MTOR: variants seen among roughly 807,000 people sequenced by gnomAD.
The protein encoded by MTOR is serine/threonine-protein kinase mTOR.
MTOR carries 70 observed loss-of-function variants against 319.8 expected under a neutral mutation model. That is an observed-to-expected ratio of 0.22 (90% CI 0.18 to 0.27). The LOEUF is 0.27. Ranked by LOEUF, MTOR falls within the 10% of genes least tolerant of loss-of-function variation. The probability of loss-of-function intolerance (pLI) is 1.00; values close to 1 mark genes in which losing one functional copy is unlikely to be tolerated. For missense variants in MTOR, 1,890 were observed against 3,274.4 expected (o/e 0.58, Z 10.32); for synonymous variants, 1,183 against 1,211.4 (o/e 0.98, Z 0.49).
chr1:11,221,394 A>G (rs939437330), intron 19 of MTOR, among the ~76,000 whole-genome samples: 1 of 152,198 alleles, frequency 6.6e-6, no homozygotes, highest in Admixed American at 6.5e-5. Flanking sequence ...TCACTCAAGA[A>G]GAATATCAAC....
At chr1:11,119,374 G>A (rs1642373334) in intron 49 of MTOR, among the ~76,000 whole-genome samples, 1 of 151,652 alleles carries the variant, frequency 6.6e-6, no homozygotes, top group Non-Finnish European at 1.5e-5. Flanking sequence ...AGACCATCCT[G>A]GCTAACATGG....
Position 11,109,199 on chromosome 1 carries a change from A to G in MTOR, c.7528+91T>C. ...CTGCATGGTGCCAAAGCTCGTCACT[A>G]ACACCACTGGACATGGGGCTGACCA... On this transcript the variant is annotated intron_variant, in intron 56 of 57. Transcript: ENST00000361445. This position sits in a 1 kb window ranked among gnomAD's most constrained non-coding sequence, Gnocchi z 4.0. 8.7e-7 allele frequency: 1 copy of G among 1,153,470 alleles called. No homozygotes were observed. Among genetic ancestry groups the G allele is most frequent in the Non-Finnish European group, 1.3e-6 (1 of 790,970 alleles). The allele number at this position is 1,153,470 out of a possible 1,614,324, so 71.5% of individuals were successfully genotyped here.
rs1225827692 is a variant in MTOR, at chr1:11,237,884, G to A, written c.2167C>T (p.Pro723Ser). The change falls in exon 13 of 58, where the codon CCT becomes TCT. Residue 723 changes from proline (P) to serine (S), a missense_variant. Physicochemically the swap from Pro to Ser is moderately conservative, Grantham distance 74. Transcript: ENST00000361445. ...CTVGRLSSMN[P>S]AFVMPFLRKM... ...CGCAGGAAAGGCATGACAAAGGCAGGGTTCATGCTACTGAGTCGGCCCACA... is the reference window on the plus strand; with the variant it reads ...CGCAGGAAAGGCATGACAAAGGCAGAGTTCATGCTACTGAGTCGGCCCACA... 6.2e-7 allele frequency: 1 copy of A among 1,614,112 alleles called. No individual in the cohort carries two copies. Among genetic ancestry groups the A allele is most frequent in the Non-Finnish European group, 8.5e-7 (1 of 1,180,044 alleles).
At chr1:11,124,843 CA>C (rs1416571943) in intron 46 of MTOR, among the ~76,000 whole-genome samples, 2 of 152,204 alleles carry the variant, frequency 1.3e-5, no homozygotes, top group Admixed American at 1.3e-4. Flanking sequence ...CAAATTAAAA[CA>C]AAACAAAATC....
rs756170895 is a variant in MTOR, at chr1:11,199,533, A to G, written c.4107+8T>C. 1 of 1,614,148 alleles carries G rather than the reference A, an allele frequency of 6.2e-7. No homozygotes were observed. The highest frequency in any genetic ancestry group is 8.5e-7 in the Non-Finnish European group (1 of 1,180,008). ...AGCCTCCATCTGGACAATGGGGAAA[A>G]GTCTCACCTTGTCACTGTGTTCCAT... is the stretch of plus-strand genomic sequence containing the variant. On this transcript the variant is annotated splice_region_variant and intron_variant, in intron 27 of 57. Transcript: ENST00000361445. The surrounding 1 kb of genome is among the most constrained non-coding windows in gnomAD (Gnocchi z 4.5).
rs1452175921 is a variant in MTOR at position 11,204,552 on chromosome 1, A to C, written c.3944+9T>G. The C allele has an allele frequency of 6.2e-7, 1 of 1,608,898 alleles. No homozygotes were observed. The highest frequency in any genetic ancestry group is 1.3e-5 in the African/African-American group (1 of 74,818). ...GCTGATCTTCTCCACCCGCCCTGAC[A>C]CACTATACCTGGCCATCGGGTTGTA... is the stretch of plus-strand genomic sequence containing the variant. On this transcript the variant is annotated intron_variant, in intron 26 of 57. Coordinates refer to ENST00000361445, the MANE Select transcript of MTOR (RefSeq NM_004958.4).
chr1:11,255,276 G>A (rs778103074), intron 5 of MTOR, among the ~76,000 whole-genome samples: 1 of 150,788 alleles, frequency 6.6e-6, no homozygotes, highest in Non-Finnish European at 1.5e-5. Flanking sequence ...CCAGCTACTC[G>A]GGAGGCTGAG....
intron 34 of MTOR, among the ~76,000 whole-genome samples, chr1:11,141,958 G>A (rs1643730950): frequency 6.6e-6 from 1 of 151,480 alleles, no homozygotes; most frequent in Admixed American, 6.6e-5. Context: ...CCGAGATCGT[G>A]CCACTGCACT....
chr1:11,172,427 G>A (rs1644845731), intron 28 of MTOR, among the ~76,000 whole-genome samples: 1 of 149,114 alleles, frequency 6.7e-6, no homozygotes, highest in Admixed American at 6.7e-5. Flanking sequence ...GCATGGTGGT[G>A]GGCGCCTGTA....
At position 11,109,799 on chromosome 1, in the gene MTOR, T is replaced by C; in HGVS notation, c.7367-70A>G. 2 of 1,348,186 alleles carry C rather than the reference T, an allele frequency of 1.5e-6. No homozygotes were observed. Among genetic ancestry groups the C allele is most frequent in the Non-Finnish European group, 2.1e-6 (2 of 939,640 alleles). The allele number at this position is 1,348,186 out of a possible 1,614,324, so 83.5% of individuals were successfully genotyped here. Reference sequence around the variant, plus strand: ...AGCCACTGTTGGTGTTAGCATCTAATTCTCTACGCACTCTATTCCTTTAAC... The same window carrying C: ...AGCCACTGTTGGTGTTAGCATCTAACTCTCTACGCACTCTATTCCTTTAAC... On this transcript the variant is annotated intron_variant, in intron 54 of 57. Coordinates refer to ENST00000361445, the MANE Select transcript of MTOR (RefSeq NM_004958.4). This position sits in a 1 kb window ranked among gnomAD's most constrained non-coding sequence, Gnocchi z 4.0.
chr1:11,137,739 T>A (rs987194574), intron 36 of MTOR, among the ~76,000 whole-genome samples: 3 of 152,224 alleles, frequency 2.0e-5, no homozygotes, highest in African/African-American at 7.2e-5. Flanking sequence ...AGCCTGTCTC[T>A]GGACTCTGTG....
rs377292165 is a variant in MTOR at position 11,162,214 on chromosome 1, C to T, written c.4330-4923G>A. 3.3e-4 allele frequency among the ~76,000 whole-genome samples: 50 copies of T among 151,934 alleles called. No individual in the cohort carries two copies. In the South Asian group the frequency reaches 8.1e-3, roughly 25 times the overall value. ...TGAAGATCAAATGAATGAAATGAAGCGAGAAGAGAAGTTTAGAGAAAAAAT... is the reference window on the plus strand; with the variant it reads ...TGAAGATCAAATGAATGAAATGAAGTGAGAAGAGAAGTTTAGAGAAAAAAT... On this transcript the variant is annotated intron_variant, in intron 29 of 57. Transcript: ENST00000361445.
chr1:11,204,440 A>G, intron 26 of MTOR, 121 bp downstream of exon 26: 3 of 1,322,468 alleles, frequency 2.3e-6, no homozygotes, highest in Non-Finnish European at 3.1e-6. Flanking sequence ...CTTTCTTTGT[A>G]TCCCACAAAA....
At position 11,106,929 on chromosome 1, in the gene MTOR, AC is replaced by A; in HGVS notation, c.*555del. The A allele has an allele frequency of 1.5e-6, 2 of 1,369,920 alleles. No individual in the cohort carries two copies. The highest frequency in any genetic ancestry group is 1.9e-6 in the Non-Finnish European group (2 of 1,038,604). The allele number at this position is 1,369,920 out of a possible 1,614,324, so 84.9% of individuals were successfully genotyped here. A position where few individuals can be genotyped will look rare whatever the true frequency, so the allele number is the denominator to read the frequency against. On this transcript the variant is annotated 3_prime_UTR_variant, in exon 58 of 58. Transcript: ENST00000361445. ...CATCACTGGGTCTGATGGAAGACAGACCTTTTGTACTCATTTTGGCCTATCT... is the reference window on the plus strand; with the variant it reads ...CATCACTGGGTCTGATGGAAGACAGACTTTTGTACTCATTTTGGCCTATCT...
chr1:11,111,001 C>T (rs896461022), intron 54 of MTOR: 9 of 398,508 alleles, frequency 2.3e-5, no homozygotes, highest in African/African-American at 1.7e-4. Context: ...CAGCACACTT[C>T]GTTTGAGACC....
intron 28 of MTOR, among the ~76,000 whole-genome samples, chr1:11,193,103 G>A (rs1185603269): frequency 6.6e-6 from 1 of 152,024 alleles, no homozygotes; most frequent in African/African-American, 2.4e-5. Context: ...AATCACCTGA[G>A]GTCAGGACTT....
At position 11,222,449 on chromosome 1, in the gene MTOR, G is replaced by A. The variant is rs1262302124; in HGVS notation, c.3031-6215C>T. On this transcript the variant is annotated intron_variant, in intron 19 of 57. Transcript: ENST00000361445. Reference sequence around the variant, plus strand: ...CCTGACCTTGTGATCCACCCGCCTCGGCCTCCCAAAGTGCTGGGATTACAG... The same window carrying A: ...CCTGACCTTGTGATCCACCCGCCTCAGCCTCCCAAAGTGCTGGGATTACAG... Among the ~76,000 whole-genome samples the A allele has an allele frequency of 3.9e-5, 6 of 152,032 alleles. No homozygotes were observed. In the East Asian group the frequency reaches 7.7e-4, roughly 20 times the overall value.
At position 11,128,874 on chromosome 1, in the gene MTOR, T is replaced by C; in HGVS notation, c.5792A>G (p.Gln1931Arg). The C allele has an allele frequency of 6.2e-7, 1 of 1,613,894 alleles. No homozygotes were observed. The highest frequency in any genetic ancestry group is 2.2e-5 in the East Asian group (1 of 44,878). ...CCTCACCTGTAGCCAGGTATCAATC[T>C]GGATGGCTTTCACCCCCTCCACTAA... ...EALVEGVKAIQIDTWLQVIPQ... is the reference protein window; with the variant it reads ...EALVEGVKAIRIDTWLQVIPQ... The change falls in exon 41 of 58, where the codon CAG (glutamine) becomes CGG (arginine). Residue 1931 changes from glutamine (Q) to arginine (R), a missense_variant. By Grantham distance (43) the Gln-to-Arg change is conservative. Transcript: ENST00000361445. This position sits in a 1 kb window ranked among gnomAD's most constrained non-coding sequence, Gnocchi z 5.3.
At chr1:11,231,569 C>A (rs1484816372) in intron 16 of MTOR, 135 bp from the exon 17 acceptor site, 9 of 1,095,288 alleles carry the variant, frequency 8.2e-6, no homozygotes, top group South Asian at 7.0e-5. Flanking sequence ...AAGACACTAA[C>A]CATGAGCAGA....
Sources: allele counts gnomAD v4.1 joint callset (sites outside exome capture counted in the v4.1 genomes callset), GRCh38; gene constraint gnomAD v4.1.1; non-coding constraint Gnocchi (gnomAD v3.1); transcripts MANE v1.5; gene names NCBI Gene and HGNC (gene_info 2026-07-23, HGNC 2026-07-21).